PC: variants seen among roughly 807,000 people sequenced by gnomAD.
The protein encoded by PC is pyruvate carboxylase, also known as pyruvate carboxylase, mitochondrial.
In PC, 46 loss-of-function variants were observed where a neutral mutation model predicts 107.8. The observed-to-expected ratio is 0.43, with a 90% confidence interval of 0.34 to 0.55. The LOEUF (loss-of-function observed/expected upper bound fraction) is 0.55. Among genes scored for constraint, PC ranks in the 20% least tolerant of loss-of-function variants. The pLI, the probability that PC is intolerant of heterozygous loss-of-function variation, is 0.04. For synonymous variants in PC, 662 were observed against 684.7 expected (o/e 0.97, Z 0.52); for missense variants, 1,241 against 1,643.1 (o/e 0.76, Z 4.23).
At chr11:66,934,909 GT>G (rs1948956844) in intron 3 of PC, among the ~76,000 whole-genome samples, 1 of 152,156 alleles carries the variant, frequency 6.6e-6, no homozygotes, top group Admixed American at 6.5e-5. Flanking sequence ...CCAGCCCCCT[GT>G]GTATGTTTAT....
chr11:66,914,529 A>G (rs1591276283), intron 3 of PC, among the ~76,000 whole-genome samples: 1 of 151,718 alleles, frequency 6.6e-6, no homozygotes, highest in Non-Finnish European at 1.5e-5. Flanking sequence ...AAAAAGAAAG[A>G]AAGAAAGACT....
At chr11:66,894,162 T>G (rs993600670) in intron 3 of PC, among the ~76,000 whole-genome samples, 2 of 152,096 alleles carry the variant, frequency 1.3e-5, no homozygotes, top group African/African-American at 4.8e-5. Context: ...GGGGTAATTC[T>G]CTGACTCCCC....
At chr11:66,853,041 G>A in intron 13 of PC, 198 bp downstream of exon 13, 2 of 700,332 alleles carry the variant, frequency 2.9e-6, no homozygotes, top group South Asian at 1.9e-5. Context: ...GAAAGGTGGG[G>A]TCTCTCAGAT....
chr11:66,903,243 C>T (rs147163628), intron 3 of PC, among the ~76,000 whole-genome samples: 1 of 152,198 alleles, frequency 6.6e-6, no homozygotes, highest in African/African-American at 2.4e-5. Flanking sequence ...CTCAGCACTG[C>T]CAACTCCTTT....
At chr11:66,937,210 C>G (rs1041270172) in intron 3 of PC, among the ~76,000 whole-genome samples, 1 of 152,166 alleles carries the variant, frequency 6.6e-6, no homozygotes, top group Non-Finnish European at 1.5e-5. Flanking sequence ...AATTGAAAAA[C>G]TGTCCCTGAA....
chr11:66,865,670 C>T lies in PC; in HGVS notation c.1185+517G>A, dbSNP rs891067776. ...CACCAAGGCTGCCATCTCGCGGCCC[C>T]GAATCTACCTCTCGGTCTCCCTCCT... is the stretch of plus-strand genomic sequence containing the variant. On this transcript the variant is annotated intron_variant, in intron 11 of 22. Transcript: ENST00000393960. Among the ~76,000 whole-genome samples, 6 of 152,268 alleles carry T rather than the reference C, an allele frequency of 3.9e-5. No homozygotes were observed. The East Asian group carries it at 5.8e-4, about 15-fold the overall frequency.
intron 3 of PC, among the ~76,000 whole-genome samples, chr11:66,933,779 C>CAGAG (rs542965687): frequency 3.9e-5 from 6 of 152,094 alleles, no homozygotes; most frequent in Non-Finnish European, 8.8e-5. Context: ...CCAACCTCTG[C>CAGAG]CTCTCCCCAT....
rs1949506403 is a variant in PC, at chr11:66,954,290, A to C, written c.-81T>G. ...AAGAAAGAGCCCAACAGGTGGAATC[A>C]TATTAGAGAGTCTTGAACGCCAAGA... On this transcript the variant is annotated 5_prime_UTR_variant, in exon 2 of 23. An upstream start codon of the reference 5' UTR is lost. Coordinates refer to ENST00000393960, the MANE Select transcript of PC (RefSeq NM_001040716.2). 1 of 152,252 alleles carries C rather than the reference A, an allele frequency of 6.6e-6. No individual in the cohort carries two copies. The highest frequency in any genetic ancestry group is 2.4e-5 in the African/African-American group (1 of 41,452). The allele number at this position is 152,252 out of a possible 1,614,324, so 9.4% of individuals were successfully genotyped here. A position where few individuals can be genotyped will look rare whatever the true frequency, so the allele number is the denominator to read the frequency against.
chr11:66,866,231 C>T lies in PC; in HGVS notation c.1141G>A (p.Glu381Lys), dbSNP rs1306610598. The part of the protein sequence containing the change: ...GCAIQCRVTT[E>K]DPARSFQPDT... ...GGCTGGAAGCTGCGCGCGGGGTCCT[C>T]GGTGGTGACCCGGCACTGGATGGCA... The change falls in exon 11 of 23, where the codon GAG (glutamate) becomes AAG (lysine). Residue 381 changes from glutamate to lysine, a missense_variant. Around this residue, in one of 2 missense-constraint regions of PC, gnomAD observed 1,143 missense variants for 1,551.9 expected, o/e 0.74. Transcript: ENST00000393960. This position sits in a 1 kb window ranked among gnomAD's most constrained non-coding sequence, Gnocchi z 5.4. 2 of 1,612,244 alleles carry T rather than the reference C, an allele frequency of 1.2e-6. No homozygotes were observed. The highest frequency in any genetic ancestry group is 1.7e-5 in the Admixed American group (1 of 60,006).
intron 3 of PC, among the ~76,000 whole-genome samples, chr11:66,888,498 G>A (rs1264380265): frequency 6.6e-6 from 1 of 152,246 alleles, no homozygotes; most frequent in Non-Finnish European, 1.5e-5. Context: ...AGCCAGCACA[G>A]AGGAGGCAAA....
intron 3 of PC, among the ~76,000 whole-genome samples, chr11:66,925,905 C>T (rs1455663668): frequency 2.7e-5 from 4 of 150,788 alleles, no homozygotes; most frequent in East Asian, 1.9e-4. Context: ...CCTGACTTCC[C>T]GCAACAGGGA....
At chr11:66,861,965 C>T (rs182545804) in intron 12 of PC, among the ~76,000 whole-genome samples, 49 of 152,210 alleles carry the variant, frequency 3.2e-4, no homozygotes, top group African/African-American at 9.1e-4. Context: ...CAGCTTGGCA[C>T]GTGGGGAGCT....
At chr11:66,915,804 A>C (rs1000368271) in intron 3 of PC, among the ~76,000 whole-genome samples, 1 of 152,204 alleles carries the variant, frequency 6.6e-6, no homozygotes, top group Non-Finnish European at 1.5e-5. Flanking sequence ...TGACAAGCAC[A>C]TGGTGTTGGG....
chr11:66,929,527 C>T (rs1029898140), intron 3 of PC, among the ~76,000 whole-genome samples: 4 of 151,976 alleles, frequency 2.6e-5, no homozygotes, highest in African/African-American at 4.8e-5. Context: ...CCACCATGCC[C>T]GGCTAATTTT....
intron 3 of PC, among the ~76,000 whole-genome samples, chr11:66,943,914 C>T (rs1949221548): frequency 6.9e-6 from 1 of 144,556 alleles, no homozygotes; most frequent in South Asian, 2.2e-4. Flanking sequence ...ACCCAGGAGA[C>T]AGAGGTTGCA....
At chr11:66,956,411 C>G (rs1949562412) in intron 1 of PC, among the ~76,000 whole-genome samples, 1 of 151,900 alleles carries the variant, frequency 6.6e-6, no homozygotes, top group Non-Finnish European at 1.5e-5. Context: ...ATGGTGAAAC[C>G]CCATCTCTAC....
intron 3 of PC, among the ~76,000 whole-genome samples, chr11:66,951,682 G>A (rs1949441687): frequency 6.6e-6 from 1 of 152,098 alleles, no homozygotes; most frequent in African/African-American, 2.4e-5. Context: ...ACAAGATCAA[G>A]AGATTGAGAC....
intron 3 of PC, among the ~76,000 whole-genome samples, chr11:66,901,720 G>T (rs1041418255): frequency 6.6e-6 from 1 of 152,042 alleles, no homozygotes; most frequent in Non-Finnish European, 1.5e-5. Flanking sequence ...TGATCCGCCC[G>T]CCTCAGCCTC....
chr11:66,928,783 C>A (rs959347215), intron 3 of PC, among the ~76,000 whole-genome samples: 3 of 152,062 alleles, frequency 2.0e-5, no homozygotes, highest in Non-Finnish European at 2.9e-5. Context: ...CCTCCGACTC[C>A]CAAAGTGCTG....
Sources: gnomAD v4.1 joint callset for allele counts (sites outside exome capture counted in the v4.1 genomes callset) on GRCh38, gnomAD v4.1.1 for gene constraint, gnomAD v4.1.1 regional missense constraint, Gnocchi (gnomAD v3.1) non-coding constraint, MANE v1.5 for transcripts, NCBI Gene and HGNC (gene_info 2026-07-23, HGNC 2026-07-21) for gene names.